UTRN: variants seen among roughly 807,000 people sequenced by gnomAD.
UTRN encodes the protein utrophin, also known as dystrophin-related protein 1.
In UTRN, 283 loss-of-function variants were observed where a neutral mutation model predicts 463.9. That is an observed-to-expected ratio of 0.61 (90% CI 0.55 to 0.67). The LOEUF (loss-of-function observed/expected upper bound fraction) is 0.67, where lower values mean the gene tolerates loss of function less well. Ranked by LOEUF, UTRN falls within the 30% of genes least tolerant of loss-of-function variation. The pLI, the probability that UTRN is intolerant of heterozygous loss-of-function variation, is 0.00. For synonymous variants in UTRN, 1,442 were observed against 1,431.5 expected, an observed-to-expected ratio of 1.01 and a Z score of -0.17; for missense variants, 3,922 against 4,084.3, an observed-to-expected ratio of 0.96 and a Z score of 1.08.
chr6:144,451,687 GTT>G (rs60974172), intron 18 of UTRN, among the ~76,000 whole-genome samples, 194 bp downstream of exon 18: 2 of 146,246 alleles, frequency 1.4e-5, no homozygotes, highest in East Asian at 2.0e-4. Context: ...TTTGGAGGAC[GTT>G]TTTTTTTTTT....
intron 51 of UTRN, among the ~76,000 whole-genome samples, chr6:144,626,383 C>G (rs145746357): frequency 6.6e-6 from 1 of 152,240 alleles, no homozygotes; most frequent in Non-Finnish European, 1.5e-5. Context: ...GTTTCCCTCT[C>G]GCAACTGGTC....
rs1334439755 is a variant in UTRN at position 144,551,092 on chromosome 6, T to C, written c.6928+10T>C. 4 of 1,581,748 alleles carry C rather than the reference T, an allele frequency of 2.5e-6. No homozygotes were observed. The highest frequency in any genetic ancestry group is 3.4e-6 in the Non-Finnish European group (4 of 1,165,050). Reference sequence around the variant, plus strand: ...GCAATTACAGAAAAATGTAAGTTTTTTAAAAAAAGTTATGTATTATCATCC... The same window carrying C: ...GCAATTACAGAAAAATGTAAGTTTTCTAAAAAAAGTTATGTATTATCATCC... On this transcript the variant is annotated intron_variant, in intron 48 of 74. Transcript: ENST00000367545.
intron 46 of UTRN, among the ~76,000 whole-genome samples, chr6:144,545,554 C>T (rs1166259660): frequency 6.6e-6 from 1 of 152,198 alleles, no homozygotes. Context: ...TTGTCTTCCC[C>T]AAATGTTCTT....
chr6:144,730,050 C>T (rs910513120), intron 53 of UTRN, among the ~76,000 whole-genome samples: 4 of 152,234 alleles, frequency 2.6e-5, no homozygotes, highest in Non-Finnish European at 4.4e-5. Flanking sequence ...ATCAATCTGA[C>T]ATCAGTGAAA....
chr6:144,841,957 A>G (rs535042446), intron 73 of UTRN, among the ~76,000 whole-genome samples: 65 of 151,960 alleles, frequency 4.3e-4, no homozygotes, highest in Non-Finnish European at 7.9e-4. Context: ...TAAAAATACA[A>G]AAAGTAGCCG....
At chr6:144,668,877 A>G (rs1478523241) in intron 51 of UTRN, among the ~76,000 whole-genome samples, 7 of 152,232 alleles carry the variant, frequency 4.6e-5, no homozygotes, top group Non-Finnish European at 1.0e-4. Context: ...GAAGGACAAT[A>G]GAACTATGGT....
intron 65 of UTRN, among the ~76,000 whole-genome samples, chr6:144,813,345 C>T (rs6920589): frequency 0.21 from 32,138 of 151,808 alleles, 4,573 homozygotes; most frequent in African/African-American, 0.36. Flanking sequence ...TGTGCCACCA[C>T]GCCCAGCTAA....
At chr6:144,618,651 A>T (rs1486846837) in intron 51 of UTRN, among the ~76,000 whole-genome samples, 1 of 152,096 alleles carries the variant, frequency 6.6e-6, no homozygotes, top group East Asian at 1.9e-4. Flanking sequence ...CTAGCTATTC[A>T]TTTATTTGAC....
Position 144,793,908 on chromosome 6 carries a change from A to G in UTRN, c.8995A>G (p.Ile2999Val), listed in dbSNP as rs766143709. The change falls in exon 63 of 75, where the codon ATC becomes GTC. Residue 2999 changes from isoleucine to valine, a missense_variant. Ile to Val is a conservative substitution (Grantham distance 29). Around this residue, in one of 3 missense-constraint regions of UTRN, gnomAD observed 1,309 missense variants for 1,452.6 expected, o/e 0.90. Transcript: ENST00000367545. ...GCTGGGCCTGTTACTTCATGATGCC[A>G]TCCAGATCCCCCGGCAGCTAGGTGA... Reference protein sequence around the residue: ...RQLGLLLHDAIQIPRQLGEVA... With the variant: ...RQLGLLLHDAVQIPRQLGEVA... The G allele has an allele frequency of 6.2e-7, 1 of 1,614,174 alleles. No individual in the cohort carries two copies. The highest frequency in any genetic ancestry group is 2.2e-5 in the East Asian group (1 of 44,874).
intron 61 of UTRN, among the ~76,000 whole-genome samples, chr6:144,787,700 T>C (rs1022252681): frequency 2.6e-5 from 4 of 152,180 alleles, no homozygotes; most frequent in South Asian, 2.1e-4. Flanking sequence ...AAATATAGTT[T>C]GGCAAGAAGA....
chr6:144,736,543 C>A (rs1025898708), intron 54 of UTRN, among the ~76,000 whole-genome samples: 4 of 151,984 alleles, frequency 2.6e-5, no homozygotes, highest in African/African-American at 9.7e-5. Flanking sequence ...ATTAATTGAC[C>A]ATTCCACATT....
chr6:144,454,033 T>A (rs1441872842), intron 19 of UTRN, among the ~76,000 whole-genome samples, 164 bp downstream of exon 19: 1 of 152,178 alleles, frequency 6.6e-6, no homozygotes, highest in African/African-American at 2.4e-5. Context: ...AAAATGAAAT[T>A]TTATTCTGAA....
At chr6:144,708,468 G>A (rs749141829) in intron 53 of UTRN, 33 of 581,532 alleles carry the variant, frequency 5.7e-5, no homozygotes, top group Non-Finnish European at 6.7e-5. Context: ...GACTCCTCAC[G>A]CCTTCATCCC....
intron 65 of UTRN, among the ~76,000 whole-genome samples, chr6:144,812,797 C>T (rs540289269): frequency 1.5e-3 from 224 of 152,290 alleles, no homozygotes; most frequent in African/African-American, 5.2e-3. Context: ...TCACAGGGTA[C>T]ATTTTATAAT....
At chr6:144,799,406 G>T in intron 64 of UTRN, 1 of 471,012 alleles carries the variant, frequency 2.1e-6, no homozygotes, top group South Asian at 1.6e-5. Flanking sequence ...CATTAGCCTG[G>T]CAGACAGCTA....
At chr6:144,445,992 G>A (rs1787658514) in intron 14 of UTRN, among the ~76,000 whole-genome samples, 3 of 152,116 alleles carry the variant, frequency 2.0e-5, no homozygotes, top group Non-Finnish European at 4.4e-5. Flanking sequence ...TGGCACCACT[G>A]CACTCCAGTC....
chr6:144,678,609 A>G (rs1562753329), intron 52 of UTRN, 31 bp downstream of exon 52: 5 of 1,556,146 alleles, frequency 3.2e-6, no homozygotes, highest in Admixed American at 1.8e-5. Context: ...AATAAAAATA[A>G]TGGGGTGGAA....
chr6:144,386,812 TA>T (rs1386302232), intron 2 of UTRN, among the ~76,000 whole-genome samples: 4 of 152,136 alleles, frequency 2.6e-5, no homozygotes, highest in Admixed American at 2.0e-4. Flanking sequence ...TTCCTTTTTT[TA>T]TGATCTTACA....
chr6:144,746,965 T>G (rs1790815736), intron 54 of UTRN, among the ~76,000 whole-genome samples: 1 of 152,208 alleles, frequency 6.6e-6, no homozygotes, highest in East Asian at 1.9e-4. Context: ...AGAATTTTTT[T>G]GAAATTTAGA....
Sources: allele counts gnomAD v4.1 joint callset (sites outside exome capture counted in the v4.1 genomes callset), GRCh38; gene constraint gnomAD v4.1.1; regional missense constraint gnomAD v4.1.1; transcripts MANE v1.5; gene names NCBI Gene and HGNC (gene_info 2026-07-23, HGNC 2026-07-21).